B3GLCT: variants seen among roughly 807,000 people sequenced by gnomAD.
The protein encoded by B3GLCT is beta 3-glucosyltransferase.
B3GLCT carries 65 observed loss-of-function variants against 63.4 expected under a neutral mutation model. The ratio of observed to expected loss-of-function variants is 1.03; its 90% CI spans 0.84 to 1.26. The LOEUF (loss-of-function observed/expected upper bound fraction) is 1.26, where lower values mean the gene tolerates loss of function less well. B3GLCT is among the 50% of genes most tolerant of loss of function. The pLI is 0.00. For missense variants in B3GLCT, 577 were observed against 604.8 expected (o/e 0.95, Z 0.48); for synonymous variants, 233 against 219.2 (o/e 1.06, Z -0.55).
At chr13:31,329,418 T>C (rs1313094137) in intron 14 of B3GLCT, 83 bp from the exon 15 acceptor site, 2 of 1,478,862 alleles carry the variant, frequency 1.4e-6, no homozygotes, top group Non-Finnish European at 1.9e-6. Context: ...AGTAAAGCAG[T>C]CCACTTTATA....
intron 12 of B3GLCT, among the ~76,000 whole-genome samples, chr13:31,306,443 C>T (rs1232281926): frequency 1.2e-5 from 1 of 81,408 alleles, no homozygotes; most frequent in Non-Finnish European, 2.3e-5. Flanking sequence ...ATCGTCTCAG[C>T]CCAAAATCTC....
intron 12 of B3GLCT, among the ~76,000 whole-genome samples, chr13:31,298,020 T>G (rs1593305865): frequency 6.6e-6 from 1 of 152,310 alleles, no homozygotes; most frequent in East Asian, 1.9e-4. Flanking sequence ...TAGCCACGAT[T>G]GATTAAACCA....
chr13:31,263,724 G>A (rs953588540), intron 7 of B3GLCT, among the ~76,000 whole-genome samples: 2 of 152,180 alleles, frequency 1.3e-5, no homozygotes, highest in Non-Finnish European at 2.9e-5. Context: ...ACAGGTCCAT[G>A]ATTCCCTTCC....
chr13:31,255,731 A>G (rs1300959916), intron 6 of B3GLCT, among the ~76,000 whole-genome samples: 1 of 152,194 alleles, frequency 6.6e-6, no homozygotes, highest in Non-Finnish European at 1.5e-5. Context: ...GGTGTTTTGA[A>G]AACTGGCTGG....
chr13:31,261,812 T>C (rs1328907262), intron 7 of B3GLCT, among the ~76,000 whole-genome samples: 1 of 152,202 alleles, frequency 6.6e-6, no homozygotes, highest in Non-Finnish European at 1.5e-5. Flanking sequence ...ATTAGCCCAT[T>C]GTAGATATAC....
intron 9 of B3GLCT, among the ~76,000 whole-genome samples, chr13:31,275,166 C>T (rs1435443562): frequency 6.6e-6 from 1 of 152,220 alleles, no homozygotes; most frequent in African/African-American, 2.4e-5. Flanking sequence ...TAGCACTTTA[C>T]ATACTAAAAA....
chr13:31,317,766 G>A lies in B3GLCT; in HGVS notation c.1184+81G>A. On this transcript the variant is annotated intron_variant, in intron 13 of 14. Coordinates refer to ENST00000343307, the MANE Select transcript of B3GLCT (RefSeq NM_194318.4). ...ACGAGAGGTAGGTCTCTGGCACTGG[G>A]ATCTATACTGTACGTGAGTACTCTG... The A allele has an allele frequency of 1.9e-6, 3 of 1,558,446 alleles. No homozygotes were observed. The South Asian group carries it at 3.4e-5, about 17-fold the overall frequency.
At chr13:31,315,111 T>A (rs1344755341) in intron 12 of B3GLCT, among the ~76,000 whole-genome samples, 2 of 152,216 alleles carry the variant, frequency 1.3e-5, no homozygotes, top group Non-Finnish European at 1.5e-5. Context: ...AGTATGCCTT[T>A]ATCAGCAGCG....
intron 11 of B3GLCT, among the ~76,000 whole-genome samples, chr13:31,285,351 T>C (rs2137878821): frequency 1.3e-5 from 2 of 151,998 alleles, no homozygotes; most frequent in South Asian, 4.2e-4. Context: ...AATTACCCAC[T>C]GAGTACGATA....
chr13:31,266,757 G>C (rs914849766), intron 7 of B3GLCT, among the ~76,000 whole-genome samples: 3 of 152,088 alleles, frequency 2.0e-5, no homozygotes, highest in African/African-American at 7.2e-5. Context: ...GTCCTTCTCT[G>C]TCTCAGAAAT....
At chr13:31,310,541 C>A (rs1243487536) in intron 12 of B3GLCT, among the ~76,000 whole-genome samples, 1 of 152,330 alleles carries the variant, frequency 6.6e-6, no homozygotes, top group Middle Eastern at 3.4e-3. Context: ...CTGTAATCCT[C>A]CCACCCTTTG....
chr13:31,285,606 A>T (rs1411689469), intron 11 of B3GLCT, among the ~76,000 whole-genome samples: 23 of 7,132 alleles, frequency 3.2e-3, no homozygotes, highest in Middle Eastern at 0.11. Context: ...TTTATGAGTA[A>T]AAAAAAAAAA....
At chr13:31,277,119 G>C (rs1437930397) in intron 10 of B3GLCT, among the ~76,000 whole-genome samples, 1 of 152,190 alleles carries the variant, frequency 6.6e-6, no homozygotes, top group Non-Finnish European at 1.5e-5. Flanking sequence ...CTCTAAACGG[G>C]ATGAAGAATG....
chr13:31,327,328 A>G (rs1875680173), intron 14 of B3GLCT, among the ~76,000 whole-genome samples: 1 of 152,204 alleles, frequency 6.6e-6, no homozygotes, highest in South Asian at 2.1e-4. Context: ...AGTTGACTGG[A>G]TAATGAGGCG....
chr13:31,238,175 G>C (rs1235091674), intron 4 of B3GLCT, among the ~76,000 whole-genome samples: 1 of 152,150 alleles, frequency 6.6e-6, no homozygotes, highest in East Asian at 1.9e-4. Flanking sequence ...TCTTTGCTTA[G>C]GCAAGTCATT....
Position 31,247,058 on chromosome 13 carries a change from T to C in B3GLCT, c.306T>C (p.Ala102=). The C allele has an allele frequency of 1.9e-6, 3 of 1,613,730 alleles. No individual in the cohort carries two copies. The highest frequency in any genetic ancestry group is 2.5e-6 in the Non-Finnish European group (3 of 1,179,882). ...GTGTCCTCCTCCTTCATCAGCTGGC[T>C]AAACAAGAAGGTGCATGGACCATAC... ...LPSVLLLHQL[A]KQEGAWTILP... The change falls in exon 5 of 15, where the codon GCT becomes GCC. Residue 102 remains alanine (A), a synonymous_variant. Coordinates refer to ENST00000343307, the MANE Select transcript of B3GLCT (RefSeq NM_194318.4).
At chr13:31,239,987 T>TG in intron 4 of B3GLCT, among the ~76,000 whole-genome samples, 1 of 152,158 alleles carries the variant, frequency 6.6e-6, no homozygotes, top group East Asian at 1.9e-4. Context: ...TCACTTTGGA[T>TG]GGGGAGCAGA....
chr13:31,268,876 C>G (rs919640568), intron 7 of B3GLCT, among the ~76,000 whole-genome samples: 1 of 152,148 alleles, frequency 6.6e-6, no homozygotes. Context: ...ATTTATTTCC[C>G]TCTTTCTTTT....
intron 4 of B3GLCT, among the ~76,000 whole-genome samples, chr13:31,246,259 T>C (rs954515030): frequency 6.6e-6 from 1 of 152,196 alleles, no homozygotes; most frequent in Non-Finnish European, 1.5e-5. Flanking sequence ...TTTTTGACTT[T>C]TGGCTTTTGT....
Sources: allele counts gnomAD v4.1 joint callset (sites outside exome capture counted in the v4.1 genomes callset), GRCh38; gene constraint gnomAD v4.1.1; transcripts MANE v1.5; gene names NCBI Gene and HGNC (gene_info 2026-07-23, HGNC 2026-07-21).